PRIM2: variants seen among roughly 807,000 people sequenced by gnomAD.
PRIM2 encodes DNA primase subunit 2, also known as DNA primase large subunit.
A neutral mutation model predicts 67.3 loss-of-function variants in PRIM2; 39 were observed. The ratio of observed to expected loss-of-function variants is 0.58; its 90% CI spans 0.45 to 0.76. The LOEUF (loss-of-function observed/expected upper bound fraction) is 0.76. Among genes scored for constraint, PRIM2 ranks in the 30% least tolerant of loss-of-function variants. PRIM2 has a pLI of 0.00. For missense variants in PRIM2, 398 were observed against 598.7 expected, an observed-to-expected ratio of 0.66 and a Z score of 3.50; for synonymous variants, 143 against 198.7, an observed-to-expected ratio of 0.72 and a Z score of 2.36.
At chr6:57,512,975 T>A (rs1325765592) in intron 8 of PRIM2, among the ~76,000 whole-genome samples, 1 of 152,014 alleles carries the variant, frequency 6.6e-6, no homozygotes, top group African/African-American at 2.4e-5. Flanking sequence ...AATTAATTAT[T>A]TCATAAGACT....
At chr6:57,256,714 T>TCACA in the PRIM2 span, among the ~76,000 whole-genome samples, 267 of 134,478 alleles carry the variant, frequency 2.0e-3, 1 homozygote, top group Middle Eastern at 7.2e-3. Flanking sequence ...TCTCTCACTT[T>TCACA]CACACACACA....
chr6:57,373,141 T>C (rs895045139), intron 5 of PRIM2, among the ~76,000 whole-genome samples: 2 of 152,140 alleles, frequency 1.3e-5, no homozygotes, highest in African/African-American at 4.8e-5. Context: ...TTTGACTTTT[T>C]AGTAGTAGCC....
chr6:57,306,798 A>G, the PRIM2 span, among the ~76,000 whole-genome samples: 1 of 152,194 alleles, frequency 6.6e-6, no homozygotes, highest in Non-Finnish European at 1.5e-5. Context: ...ATCATTTCCC[A>G]CTGACAGTAT....
At chr6:57,499,053 G>A (rs1257236413) in intron 7 of PRIM2, among the ~76,000 whole-genome samples, 18 of 152,276 alleles carry the variant, frequency 1.2e-4, no homozygotes, top group African/African-American at 4.3e-4. Flanking sequence ...GCAACAGTCA[G>A]CTTCATAGCT....
At chr6:57,413,045 A>G (rs1198084692) in intron 7 of PRIM2, among the ~76,000 whole-genome samples, 7 of 152,052 alleles carry the variant, frequency 4.6e-5, no homozygotes, top group Admixed American at 1.3e-4. Context: ...CATTGTTGAA[A>G]GTTTCTGGGG....
intron 9 of PRIM2, among the ~76,000 whole-genome samples, chr6:57,534,133 C>T (rs1240041491): frequency 4.9e-4 from 74 of 152,248 alleles, no homozygotes; most frequent in African/African-American, 1.7e-3. Context: ...ATGCTGTTTC[C>T]GCTGTGGGCC....
At position 57,473,234 on chromosome 6, in the gene PRIM2, T is replaced by C. The variant is rs1773379420; in HGVS notation, c.694-34153T>C. On this transcript the variant is annotated intron_variant, in intron 7 of 13. Coordinates refer to ENST00000615550, the MANE Select transcript of PRIM2 (RefSeq NM_000947.5). ...GCTTTGCTGAAGCTGTTTAACATTG[T>C]AGGGTGATGAGATAACTGGAAGAGA... 2.0e-5 allele frequency among the ~76,000 whole-genome samples: 3 copies of C among 152,148 alleles called. No individual in the cohort carries two copies. The South Asian group carries it at 6.2e-4, about 32-fold the overall frequency.
the PRIM2 span, among the ~76,000 whole-genome samples, chr6:57,274,799 C>T: frequency 6.6e-6 from 1 of 152,170 alleles, no homozygotes; most frequent in African/African-American, 2.4e-5. Flanking sequence ...TATTTTGAGA[C>T]AGAGTCTTCC....
At chr6:57,525,058 C>G (rs1342245526) in intron 8 of PRIM2, among the ~76,000 whole-genome samples, 74 of 151,882 alleles carry the variant, frequency 4.9e-4, no homozygotes, top group Non-Finnish European at 9.0e-4. Flanking sequence ...GAATTTCTCC[C>G]CCACCCCCTG....
chr6:57,522,972 T>C (rs1476304737), intron 8 of PRIM2, among the ~76,000 whole-genome samples: 1 of 152,216 alleles, frequency 6.6e-6, no homozygotes, highest in Non-Finnish European at 1.5e-5. Context: ...TTCAAGGACA[T>C]CTAAATTCTC....
At chr6:57,306,864 A>C in the PRIM2 span, among the ~76,000 whole-genome samples, 2 of 152,236 alleles carry the variant, frequency 1.3e-5, no homozygotes, top group Admixed American at 1.3e-4. Flanking sequence ...AATGCTGAAT[A>C]GTACCAGTCA....
At chr6:57,598,875 T>G (rs1425408151) in intron 10 of PRIM2, among the ~76,000 whole-genome samples, 1 of 131,622 alleles carries the variant, frequency 7.6e-6, no homozygotes, top group Non-Finnish European at 1.6e-5. Flanking sequence ...GAAGTTGTGG[T>G]GACCTGGGAA....
intron 12 of PRIM2, among the ~76,000 whole-genome samples, chr6:57,626,224 A>C: frequency 6.6e-6 from 1 of 152,370 alleles, no homozygotes; most frequent in Non-Finnish European, 1.5e-5. Flanking sequence ...GCAGGCATTG[A>C]AGCAAAAGAG....
chr6:57,386,136 C>A (rs4526198), intron 7 of PRIM2, among the ~76,000 whole-genome samples: 2 of 151,698 alleles, frequency 1.3e-5, no homozygotes, highest in African/African-American at 4.8e-5. Context: ...CTGTAACCCT[C>A]GTCCTTTGGG....
At chr6:57,344,909 T>A (rs1484103806) in intron 5 of PRIM2, among the ~76,000 whole-genome samples, 1 of 152,176 alleles carries the variant, frequency 6.6e-6, no homozygotes, top group African/African-American at 2.4e-5. Context: ...AACTTCAAGC[T>A]GAATTACCCT....
Position 57,325,463 on chromosome 6 carries a change from G to C in PRIM2, c.339-462G>C, listed in dbSNP as rs1220606251. On this transcript the variant is annotated intron_variant, in intron 4 of 13. Transcript: ENST00000615550. ...CTATAGGCACATGCTACCATGCCTG[G>C]CTAATTTTTTTGTAGATATGGGGTT... Among the ~76,000 whole-genome samples, 5 of 152,028 alleles carry C rather than the reference G, an allele frequency of 3.3e-5. No individual in the cohort carries two copies. The East Asian group carries it at 7.7e-4, about 24-fold the overall frequency.
In PRIM2 at chr6:57,539,644, GTGTGTGTGTGTGTATATATA is replaced by G. The variant is rs1325554217; in HGVS notation, c.1020+2021_1020+2040del. On this transcript the variant is annotated intron_variant, in intron 10 of 13. Transcript: ENST00000615550. ...TGTGTGTGTGTGTGTGTGTGTGTGT[GTGTGTGTGTGTGTATATATA>G]TATATATATGCATTCACCAGGAAAT... Among the ~76,000 whole-genome samples the G allele has an allele frequency of 9.2e-4, 67 of 72,482 alleles. 1 individual carries two copies. Among genetic ancestry groups the G allele is most frequent in the African/African-American group, 4.2e-3 (64 of 15,412 alleles). The allele number at this position is 72,482 out of a possible 152,430, so 47.6% of individuals were successfully genotyped here. A position where few individuals can be genotyped will look rare whatever the true frequency, so the allele number is the denominator to read the frequency against.
chr6:57,231,866 A>G, the PRIM2 span, among the ~76,000 whole-genome samples: 1 of 152,048 alleles, frequency 6.6e-6, no homozygotes, highest in Admixed American at 6.6e-5. Context: ...AAAAAAAAAA[A>G]CCACTAGTAC....
the PRIM2 span, among the ~76,000 whole-genome samples, chr6:57,250,375 CAT>C: frequency 1.3e-5 from 2 of 152,078 alleles, no homozygotes. Context: ...ATAAAAGAAA[CAT>C]GACCACTATC....
Sources: allele counts gnomAD v4.1 joint callset (sites outside exome capture counted in the v4.1 genomes callset), GRCh38; gene constraint gnomAD v4.1.1; transcripts MANE v1.5; gene names NCBI Gene and HGNC (gene_info 2026-07-23, HGNC 2026-07-21).